Variants in SMAD1 observed in about 807,000 individuals in gnomAD.
The protein encoded by SMAD1 is SMAD family member 1.
SMAD1 carries 6 observed loss-of-function variants against 41.6 expected under a neutral mutation model. The observed-to-expected ratio is 0.14, with a 90% CI of 0.08 to 0.28. The LOEUF (loss-of-function observed/expected upper bound fraction) is 0.28. Ranked by LOEUF, SMAD1 falls within the 10% of genes least tolerant of loss-of-function variation. The probability of loss-of-function intolerance (pLI) is 1.00; values close to 1 mark genes in which losing one functional copy is unlikely to be tolerated. For synonymous variants in SMAD1, 206 were observed against 203.2 expected (o/e 1.01, Z -0.12); for missense variants, 379 against 582.6 (o/e 0.65, Z 3.60).
Position 145,522,997 on chromosome 4 carries a change from CAT to C in SMAD1, c.400+7985_400+7986del, listed in dbSNP as rs1021688190. Among the ~76,000 whole-genome samples, 25 of 152,170 alleles carry C rather than the reference CAT, an allele frequency of 1.6e-4. 1 individual carries two copies. The highest frequency in any genetic ancestry group is 5.8e-4 in the East Asian group (3 of 5,168). On this transcript the variant is annotated intron_variant, in intron 2 of 6. Transcript: ENST00000302085. The stretch of plus-strand genomic sequence containing the variant: ...TGGCTGTGAATGTGTTTTTATATGA[CAT>C]GTGTGTGGTAACAAAAAACTTCAGT...
intron 2 of SMAD1, among the ~76,000 whole-genome samples, chr4:145,533,097 C>A (rs1470044714): frequency 6.6e-6 from 1 of 152,140 alleles, no homozygotes; most frequent in East Asian, 1.9e-4. Context: ...GGGAGAGAGG[C>A]CTGGGCCTTG....
At chr4:145,534,728 A>T (rs1578804325) in intron 2 of SMAD1, among the ~76,000 whole-genome samples, 1 of 152,360 alleles carries the variant, frequency 6.6e-6, no homozygotes, top group Middle Eastern at 3.4e-3. Flanking sequence ...ATAAAATTAG[A>T]TCCATTCCTC....
intron 2 of SMAD1, among the ~76,000 whole-genome samples, chr4:145,525,469 C>CTT (rs1730974802): frequency 1.3e-5 from 2 of 152,320 alleles, no homozygotes; most frequent in East Asian, 3.9e-4. Flanking sequence ...TGGTAAAAAT[C>CTT]TAAGAGGGCT....
At chr4:145,521,725 G>T (rs746031548) in intron 2 of SMAD1, among the ~76,000 whole-genome samples, 31 of 152,066 alleles carry the variant, frequency 2.0e-4, no homozygotes, top group Non-Finnish European at 3.7e-4. Flanking sequence ...GAGATCCTTG[G>T]GGTGACGGAA....
At chr4:145,499,063 A>G (rs1053449097) in intron 1 of SMAD1, among the ~76,000 whole-genome samples, 6 of 152,178 alleles carry the variant, frequency 3.9e-5, no homozygotes, top group Non-Finnish European at 7.4e-5. Context: ...ACTATCATGT[A>G]AAATTATACC....
chr4:145,556,192 A>G (rs1267761198), intron 6 of SMAD1, among the ~76,000 whole-genome samples: 1 of 152,212 alleles, frequency 6.6e-6, no homozygotes, highest in Non-Finnish European at 1.5e-5. Flanking sequence ...ATGTCTGAAA[A>G]TTCCAAGTCA....
chr4:145,486,538 A>G (rs1434223011), intron 1 of SMAD1, among the ~76,000 whole-genome samples: 2 of 152,308 alleles, frequency 1.3e-5, no homozygotes, highest in East Asian at 1.9e-4. Flanking sequence ...CGATGAAACT[A>G]TGGATCTTGT....
chr4:145,546,930 T>G lies in SMAD1; in HGVS notation c.997+6T>G, dbSNP rs368026615. The G allele has an allele frequency of 2.1e-5, 34 of 1,610,508 alleles. No homozygotes were observed. The African/African-American group carries it at 4.4e-4, about 21-fold the overall frequency. On this transcript the variant is annotated splice_donor_region_variant and intron_variant, in intron 5 of 6. Coordinates refer to ENST00000302085, the MANE Select transcript of SMAD1 (RefSeq NM_005900.3). Reference sequence around the variant, plus strand: ...CAGGCGGCATATTGGAAAAGGTGAGTTTTTGCTTTAACCTCTTTCAGATGT... The same window carrying G: ...CAGGCGGCATATTGGAAAAGGTGAGGTTTTGCTTTAACCTCTTTCAGATGT...
At chr4:145,486,498 TG>T (rs1728487126) in intron 1 of SMAD1, among the ~76,000 whole-genome samples, 1 of 150,134 alleles carries the variant, frequency 6.7e-6, no homozygotes, top group Non-Finnish European at 1.5e-5. Flanking sequence ...TTTTTGTAAA[TG>T]TTTTACAAGG....
chr4:145,556,477 A>C (rs1235883143), intron 6 of SMAD1, among the ~76,000 whole-genome samples: 1 of 150,902 alleles, frequency 6.6e-6, no homozygotes, highest in African/African-American at 2.4e-5. Flanking sequence ...CTTTTTTCTT[A>C]AGACAGTCTC....
At chr4:145,512,928 G>T (rs75316019) in intron 1 of SMAD1, among the ~76,000 whole-genome samples, 2,082 of 152,302 alleles carry the variant, frequency 0.014, 64 homozygotes, top group African/African-American at 0.048. Flanking sequence ...TAGATTGGTT[G>T]TAAAGACTGA....
At position 145,513,911 on chromosome 4, in the gene SMAD1, T is replaced by C. The variant is rs148745912; in HGVS notation, c.-176-527T>C. The stretch of plus-strand genomic sequence containing the variant: ...TTACTCATCTGTAAAGTGGCAGCAA[T>C]TGTATTACCTAACTCAAAGGATTGT... On this transcript the variant is annotated intron_variant, in intron 1 of 6. Coordinates refer to ENST00000302085, the MANE Select transcript of SMAD1 (RefSeq NM_005900.3). Among the ~76,000 whole-genome samples, 566 of 152,354 alleles carry C rather than the reference T, an allele frequency of 3.7e-3. 3 individuals are homozygous for C. The highest frequency in any genetic ancestry group is 0.013 in the African/African-American group (534 of 41,582).
chr4:145,540,188 G>T (rs186864970), intron 3 of SMAD1, 127 bp downstream of exon 3: 3 of 1,019,154 alleles, frequency 2.9e-6, no homozygotes, highest in Middle Eastern at 2.4e-4. Context: ...TAGTGCTCTC[G>T]CACTTTTAGG....
At position 145,557,959 on chromosome 4, in the gene SMAD1, A is replaced by C. The variant is rs1732939081; in HGVS notation, c.*25A>C. ...AATGGCCCCAGGCATCTGCCTCTGG[A>C]AAACTATTGAGCCTTGCATGTACTT... On this transcript the variant is annotated 3_prime_UTR_variant, in exon 7 of 7. Transcript: ENST00000302085. 6.3e-7 allele frequency: 1 copy of C among 1,578,224 alleles called. No homozygotes were observed. Among genetic ancestry groups the C allele is most frequent in the Non-Finnish European group, 8.6e-7 (1 of 1,158,048 alleles).
rs1234721173 is a variant in SMAD1 at position 145,542,637 on chromosome 4, C to G, written c.714C>G (p.Gly238=). Residue 238 remains glycine (G), a synonymous_variant, in exon 4 of 7, where the codon GGC becomes GGG. Coordinates refer to ENST00000302085, the MANE Select transcript of SMAD1 (RefSeq NM_005900.3). The stretch of plus-strand genomic sequence containing the variant: ...CTGAAGACCCCATGACCCAGGATGG[C>G]TCTCAGCCGATGGACACAAACATGA... ...LPPEDPMTQD[G]SQPMDTNMMA... 3.7e-6 allele frequency: 6 copies of G among 1,613,552 alleles called. No homozygotes were observed. In the African/African-American group the frequency reaches 8.0e-5, roughly 22 times the overall value.
At chr4:145,512,015 G>C (rs891046430) in intron 1 of SMAD1, among the ~76,000 whole-genome samples, 2 of 152,144 alleles carry the variant, frequency 1.3e-5, no homozygotes, top group African/African-American at 4.8e-5. Flanking sequence ...TTTTTTGAAT[G>C]TGTTTTTCCT....
intron 2 of SMAD1, among the ~76,000 whole-genome samples, chr4:145,528,643 C>T (rs546492021): frequency 6.6e-6 from 1 of 152,262 alleles, no homozygotes; most frequent in East Asian, 1.9e-4. Context: ...AATTCAGCTG[C>T]AGTTACAAAT....
intron 1 of SMAD1, among the ~76,000 whole-genome samples, chr4:145,491,567 C>T (rs1055307566): frequency 6.6e-6 from 1 of 152,184 alleles, no homozygotes; most frequent in African/African-American, 2.4e-5. Context: ...TAGGAAGTAT[C>T]AGTCTGGGAA....
intron 1 of SMAD1, among the ~76,000 whole-genome samples, chr4:145,509,268 T>A (rs763046694): frequency 1.5e-4 from 23 of 152,234 alleles, no homozygotes; most frequent in Non-Finnish European, 1.5e-4. Flanking sequence ...GCTTTCCCAA[T>A]GGATTGTGAG....
Sources: gnomAD v4.1 joint callset for allele counts (sites outside exome capture counted in the v4.1 genomes callset) on GRCh38, gnomAD v4.1.1 for gene constraint, MANE v1.5 for transcripts, NCBI Gene and HGNC (gene_info 2026-07-23, HGNC 2026-07-21) for gene names.